GRIK4: variants seen among roughly 807,000 people sequenced by gnomAD.
GRIK4 encodes the protein glutamate ionotropic receptor kainate type subunit 4, also known as glutamate receptor ionotropic, kainate 4.
In GRIK4, 40 loss-of-function variants were observed where a neutral mutation model predicts 104.9. The observed-to-expected ratio is 0.38, with a 90% CI of 0.30 to 0.50. GRIK4 has a LOEUF of 0.50. Ranked by LOEUF, GRIK4 falls within the 20% of genes least tolerant of loss-of-function variation. The probability of loss-of-function intolerance (pLI) is 0.93; values close to 1 mark genes in which losing one functional copy is unlikely to be tolerated. For synonymous variants in GRIK4, 485 were observed against 524.9 expected (o/e 0.92, Z 1.04); for missense variants, 1,047 against 1,308.1 (o/e 0.80, Z 3.08).
chr11:120,845,994 A>T (rs1446116291), intron 8 of GRIK4, among the ~76,000 whole-genome samples: 2 of 152,212 alleles, frequency 1.3e-5, no homozygotes, highest in African/African-American at 4.8e-5. Flanking sequence ...GCTTGGGCAC[A>T]GCAGTTTCTT....
intron 3 of GRIK4, among the ~76,000 whole-genome samples, chr11:120,686,415 T>C (rs774326547): frequency 1.3e-5 from 2 of 152,200 alleles, no homozygotes; most frequent in Non-Finnish European, 2.9e-5. Flanking sequence ...CTACCTTGTA[T>C]TATAATTATT....
At position 120,903,458 on chromosome 11, in the gene GRIK4, C is replaced by T. The variant is rs1480262603; in HGVS notation, c.1273-1832C>T. Among the ~76,000 whole-genome samples the T allele has an allele frequency of 6.6e-6, 1 of 152,174 alleles. No homozygotes were observed. The highest frequency in any genetic ancestry group is 2.4e-5 in the African/African-American group (1 of 41,454). ...GGCCTCAACCTCACCCCGCCCCACCCTGCCTCCACCCTGCACTTCCTGGGC... is the reference window on the plus strand; with the variant it reads ...GGCCTCAACCTCACCCCGCCCCACCTTGCCTCCACCCTGCACTTCCTGGGC... On this transcript the variant is annotated intron_variant, in intron 12 of 20. Coordinates refer to ENST00000527524, the MANE Select transcript of GRIK4 (RefSeq NM_014619.5). The surrounding 1 kb of genome is among the most constrained non-coding windows in gnomAD (Gnocchi z 4.4).
intron 6 of GRIK4, among the ~76,000 whole-genome samples, chr11:120,826,063 G>T (rs568125126): frequency 1.3e-5 from 2 of 152,120 alleles, no homozygotes; most frequent in Admixed American, 6.5e-5. Flanking sequence ...CACTTACTAC[G>T]TGCCCAACAC....
chr11:120,877,432 G>C (rs116378023), intron 11 of GRIK4, among the ~76,000 whole-genome samples: 2 of 152,150 alleles, frequency 1.3e-5, no homozygotes, highest in African/African-American at 4.8e-5. Context: ...CACTCAGATC[G>C]TGCCCTCAGG....
At chr11:120,548,270 C>T (rs1381916636) in intron 1 of GRIK4, among the ~76,000 whole-genome samples, 2 of 151,970 alleles carry the variant, frequency 1.3e-5, no homozygotes, top group Non-Finnish European at 2.9e-5. Flanking sequence ...GCCATGGATG[C>T]TTAGTGAGGG....
At chr11:120,614,745 A>G (rs1257752678) in intron 1 of GRIK4, among the ~76,000 whole-genome samples, 1 of 152,210 alleles carries the variant, frequency 6.6e-6, no homozygotes, top group Non-Finnish European at 1.5e-5. Flanking sequence ...CACGTCTGTA[A>G]TCCCAGCACT....
intron 3 of GRIK4, among the ~76,000 whole-genome samples, chr11:120,685,975 G>C (rs1329823262): frequency 6.6e-6 from 1 of 152,068 alleles, no homozygotes; most frequent in Non-Finnish European, 1.5e-5. Flanking sequence ...AGTTCAACAT[G>C]TGTTGATCTA....
chr11:120,782,811 C>A (rs933465580), intron 3 of GRIK4, among the ~76,000 whole-genome samples: 1 of 152,152 alleles, frequency 6.6e-6, no homozygotes, highest in African/African-American at 2.4e-5. Context: ...GGCAATTTCT[C>A]CCCCTCTCCC....
chr11:120,875,351 C>A, intron 11 of GRIK4, 108 bp downstream of exon 11: 1 of 733,840 alleles, frequency 1.4e-6, no homozygotes, highest in South Asian at 1.6e-5. Flanking sequence ...CCAACAGCAG[C>A]AGGCTGGATC....
chr11:120,720,249 C>T (rs150438357), intron 3 of GRIK4, among the ~76,000 whole-genome samples: 137 of 152,220 alleles, frequency 9.0e-4, no homozygotes, highest in African/African-American at 2.8e-3. Flanking sequence ...ACAGTCACAG[C>T]GTATTAAGGT....
intron 3 of GRIK4, among the ~76,000 whole-genome samples, chr11:120,662,511 A>T (rs1174659252): frequency 6.6e-6 from 1 of 152,208 alleles, no homozygotes; most frequent in Non-Finnish European, 1.5e-5. Flanking sequence ...GTTGCTAATT[A>T]CATGGACTCC....
In GRIK4 at chr11:120,956,915, C is replaced by A. The variant is rs772049728; in HGVS notation, c.1836C>A (p.Ala612=). The A allele has an allele frequency of 3.3e-5, 54 of 1,613,278 alleles. No homozygotes were observed. Among genetic ancestry groups the A allele is most frequent in the Non-Finnish European group, 1.1e-5 (13 of 1,179,684 alleles). ...TCATGCAGCAAGGCTCCACCATCGC[C>A]CCTCGCGCCTTATCCACCCGCTGTG... ...GGFMQQGSTI[A]PRALSTRCVS... Residue 612 remains alanine, a synonymous_variant, in exon 16 of 21, where the codon GCC becomes GCA. Coordinates refer to ENST00000527524, the MANE Select transcript of GRIK4 (RefSeq NM_014619.5). The surrounding 1 kb of genome is among the most constrained non-coding windows in gnomAD (Gnocchi z 4.6).
intron 3 of GRIK4, among the ~76,000 whole-genome samples, chr11:120,662,099 C>T (rs112135829): frequency 5.3e-5 from 8 of 152,316 alleles, no homozygotes; most frequent in African/African-American, 1.9e-4. Context: ...TCAGTAGCAC[C>T]TCATGGCCTC....
intron 8 of GRIK4, among the ~76,000 whole-genome samples, chr11:120,853,867 C>A (rs1312581643): frequency 6.6e-6 from 1 of 152,206 alleles, no homozygotes; most frequent in African/African-American, 2.4e-5. Context: ...TTGACACCAC[C>A]TCCTAGTGGC....
intron 3 of GRIK4, among the ~76,000 whole-genome samples, chr11:120,688,709 T>C (rs770203235): frequency 5.9e-5 from 9 of 152,178 alleles, no homozygotes; most frequent in Admixed American, 6.5e-5. Context: ...CGAAAATAAT[T>C]AATCACATTT....
At chr11:120,761,425 T>G (rs963520423) in intron 3 of GRIK4, among the ~76,000 whole-genome samples, 3 of 152,242 alleles carry the variant, frequency 2.0e-5, no homozygotes, top group African/African-American at 7.2e-5. Context: ...GATAGTTTGT[T>G]TTGCTATGCA....
chr11:120,571,448 T>C (rs2135073148), intron 1 of GRIK4, among the ~76,000 whole-genome samples: 1 of 152,214 alleles, frequency 6.6e-6, no homozygotes, highest in East Asian at 1.9e-4. Flanking sequence ...GGTTAGTCCC[T>C]CATCTTGCTG....
intron 15 of GRIK4, among the ~76,000 whole-genome samples, chr11:120,954,376 C>G (rs1944083899): frequency 6.6e-6 from 1 of 151,602 alleles, no homozygotes; most frequent in South Asian, 2.1e-4. Flanking sequence ...TGTTGAGTAT[C>G]TGCTGTCAGT....
chr11:120,924,529 G>A lies in GRIK4; in HGVS notation c.1477-15818G>A, dbSNP rs374495654. 9.9e-5 allele frequency among the ~76,000 whole-genome samples: 15 copies of A among 152,048 alleles called. No homozygotes were observed. The South Asian group carries it at 2.7e-3, about 27-fold the overall frequency. ...ATCCCTGTGTGATCAATCACTGTCC[G>A]GATCAAGAAATATACCCTTAGCGGC... is the stretch of plus-strand genomic sequence containing the variant. On this transcript the variant is annotated intron_variant, in intron 13 of 20. Coordinates refer to ENST00000527524, the MANE Select transcript of GRIK4 (RefSeq NM_014619.5).
Sources: gnomAD v4.1 joint callset for allele counts (sites outside exome capture counted in the v4.1 genomes callset) on GRCh38, gnomAD v4.1.1 for gene constraint, Gnocchi (gnomAD v3.1) non-coding constraint, MANE v1.5 for transcripts, NCBI Gene and HGNC (gene_info 2026-07-23, HGNC 2026-07-21) for gene names.